CEP44: variants seen among roughly 807,000 people sequenced by gnomAD.
CEP44 encodes centrosomal protein 44.
In CEP44, 45 loss-of-function variants were observed where a neutral mutation model predicts 46.7. The ratio of observed to expected loss-of-function variants is 0.96; its 90% CI spans 0.76 to 1.24. The LOEUF is 1.24. Among genes scored for constraint, CEP44 ranks in the 50% most tolerant of loss-of-function variants. CEP44 has a pLI of 0.00. For missense variants in CEP44, 475 were observed against 459.7 expected (o/e 1.03, Z -0.30); for synonymous variants, 142 against 146.0 (o/e 0.97, Z 0.20).
At position 174,316,258 on chromosome 4, in the gene CEP44, G is replaced by A. The variant is rs751339095; in HGVS notation, c.1054G>A (p.Val352Ile). Residue 352 changes from valine to isoleucine, a missense_variant, in exon 10 of 12, where the codon GTT becomes ATT. By Grantham distance (29) the Val-to-Ile change is conservative (BLOSUM62 3). Coordinates refer to ENST00000503780, the MANE Select transcript of CEP44 (RefSeq NM_001040157.3). ...SSDSTPRAST[V>I]NYCGLNEISE... Reference sequence around the variant, plus strand: ...AGATTCAACTCCCAGAGCCTCTACTGTTAATTACTGTGGTTTGAATGAGAT... The same window carrying A: ...AGATTCAACTCCCAGAGCCTCTACTATTAATTACTGTGGTTTGAATGAGAT... 17 of 1,610,538 alleles carry A rather than the reference G, an allele frequency of 1.1e-5. No homozygotes were observed. The highest frequency in any genetic ancestry group is 8.3e-5 in the Admixed American group (5 of 59,992).
At chr4:174,296,979 T>C (rs1028658870) in intron 1 of CEP44, among the ~76,000 whole-genome samples, 2 of 152,110 alleles carry the variant, frequency 1.3e-5, no homozygotes, top group Non-Finnish European at 1.5e-5. Context: ...TGACCCTATG[T>C]CCCTAATAAC....
downstream of CEP44, among the ~76,000 whole-genome samples, chr4:174,321,652 A>G (rs1297529463): frequency 6.6e-6 from 1 of 152,038 alleles, no homozygotes; most frequent in Non-Finnish European, 1.5e-5. Flanking sequence ...GTTTTTCTCT[A>G]TTATGTCATA....
chr4:174,299,308 G>A lies in CEP44; in HGVS notation c.89+98G>A, dbSNP rs189626839. 458 of 903,418 alleles carry A rather than the reference G, an allele frequency of 5.1e-4. 3 individuals carry two copies. In the East Asian group the frequency reaches 0.01, roughly 20 times the overall value. 56.0% of individuals were successfully genotyped at this position (903,418 alleles called of 1,614,324 possible). ...ACCTGAGAAAAATCAGATTTTACCT[G>A]GTTCCTATTTAAATCTGCCTTGAAA... is the stretch of plus-strand genomic sequence containing the variant. On this transcript the variant is annotated intron_variant, in intron 3 of 11. Transcript: ENST00000503780.
chr4:174,318,554 G>A lies in CEP44; in HGVS notation c.*1171G>A, dbSNP rs1244944827. 7.0e-6 allele frequency: 6 copies of A among 855,710 alleles called. No homozygotes were observed. Among genetic ancestry groups the A allele is most frequent in the Non-Finnish European group, 7.0e-6 (5 of 712,574 alleles). 53.0% of individuals were successfully genotyped at this position (855,710 alleles called of 1,614,324 possible). A position where few individuals can be genotyped will look rare whatever the true frequency, so the allele number is the denominator to read the frequency against. ...TAAACTTGTAGATAAAAGTGTTCCA[G>A]TAATCAGAAAATCCTCAAGAAAATT... On this transcript the variant is annotated 3_prime_UTR_variant, in exon 12 of 12. Coordinates refer to ENST00000503780, the MANE Select transcript of CEP44 (RefSeq NM_001040157.3).
At position 174,288,255 on chromosome 4, in the gene CEP44, C is replaced by G. The variant is rs1298428797; in HGVS notation, c.-148+4312C>G. Among the ~76,000 whole-genome samples, 3 of 152,120 alleles carry G rather than the reference C, an allele frequency of 2.0e-5. No individual in the cohort carries two copies. The highest frequency in any genetic ancestry group is 7.2e-5 in the African/African-American group (3 of 41,422). On this transcript the variant is annotated intron_variant, in intron 1 of 11. Coordinates refer to ENST00000503780, the MANE Select transcript of CEP44 (RefSeq NM_001040157.3). This position sits in a 1 kb window ranked among gnomAD's most constrained non-coding sequence, Gnocchi z 4.6. ...TCAATGCCATCACCTTGAAAAGTTT[C>G]CTTCTACTCATCTTTTTTTCACGTT...
Position 174,331,382 on chromosome 4 carries a change from A to G in CEP44, c.1087-100A>G. On this transcript the variant is annotated intron_variant, in intron 8 of 8. Transcript: ENST00000426172. The surrounding 1 kb of genome is among the most constrained non-coding windows in gnomAD (Gnocchi z 4.5). ...GAGTACCTATTATGGAAGAGGAGGA[A>G]ATATTAATAGCACTCTGACACTGCT... 1.1e-5 allele frequency: 13 copies of G among 1,236,344 alleles called. No individual in the cohort carries two copies. Among genetic ancestry groups the G allele is most frequent in the Non-Finnish European group, 1.4e-5 (13 of 925,458 alleles). 76.6% of individuals were successfully genotyped at this position (1,236,344 alleles called of 1,614,324 possible).
At chr4:174,315,950 A>C (rs969278061) in intron 9 of CEP44, among the ~76,000 whole-genome samples, 2 of 152,110 alleles carry the variant, frequency 1.3e-5, no homozygotes, top group African/African-American at 4.8e-5. Flanking sequence ...TATCATGATA[A>C]TAATACTGCC....
rs200591484 is a variant in CEP44 at position 174,309,851 on chromosome 4, A to T, written c.680A>T (p.Asp227Val). 536 of 1,588,668 alleles carry T rather than the reference A, an allele frequency of 3.4e-4. 1 individual carries two copies. The highest frequency in any genetic ancestry group is 2.0e-3 in the Middle Eastern group (12 of 5,974). The change falls in exon 8 of 12, where the codon GAT (aspartate) becomes GTT (valine). Residue 227 changes from aspartate to valine, a missense_variant and splice_region_variant. By Grantham distance (152) the Asp-to-Val change is radical (BLOSUM62 -3). Transcript: ENST00000503780. The surrounding 1 kb of genome is among the most constrained non-coding windows in gnomAD (Gnocchi z 5.3). ...KVPEIKAEQQ[D>V]VNVNPEITAL... ...TTTTAATCTCTCTAACCTTTTTAGG[A>T]TGTAAATGTTAATCCTGAGATTACT...
rs1742659990 is a variant in CEP44 at position 174,326,238 on chromosome 4, C to CTG, written c.1087-5234_1087-5233dup. On this transcript the variant is annotated intron_variant, in intron 8 of 8. Coordinates refer to the CEP44 transcript ENST00000426172. This position sits in a 1 kb window ranked among gnomAD's most constrained non-coding sequence, Gnocchi z 4.8. ...TGTGTGTGTATGTGTGTGTGTGTGT[C>CTG]TGTGTGTGTGTCTGTGTGTTTGCTC... 6.7e-6 allele frequency among the ~76,000 whole-genome samples: 1 copy of CTG among 148,724 alleles called. No individual in the cohort carries two copies. Among genetic ancestry groups the CTG allele is most frequent in the African/African-American group, 2.5e-5 (1 of 40,498 alleles).
chr4:174,298,276 C>T (rs1001292950), intron 2 of CEP44, among the ~76,000 whole-genome samples: 1 of 146,234 alleles, frequency 6.8e-6, no homozygotes, highest in Non-Finnish European at 1.5e-5. Context: ...CCCGGGTTCA[C>T]GCCATTCTCC....
At chr4:174,330,002 A>G (rs1169772518) in intron 8 of CEP44, among the ~76,000 whole-genome samples, 2 of 152,198 alleles carry the variant, frequency 1.3e-5, no homozygotes, top group East Asian at 3.8e-4. Context: ...TTTTATTCAG[A>G]ATATGTTCTG....
chr4:174,292,018 T>G (rs1738292395), intron 1 of CEP44, among the ~76,000 whole-genome samples: 1 of 152,010 alleles, frequency 6.6e-6, no homozygotes, highest in East Asian at 1.9e-4. Flanking sequence ...CTTGAACTCC[T>G]GAGCTCAAGC....
chr4:174,320,359 A>G, downstream of CEP44: 3 of 956,116 alleles, frequency 3.1e-6, no homozygotes, highest in Non-Finnish European at 3.7e-6. Flanking sequence ...CATTACTCAT[A>G]ACTTTATATA....
intron 6 of CEP44, among the ~76,000 whole-genome samples, chr4:174,305,351 G>A (rs1249228053): frequency 1.3e-5 from 2 of 152,146 alleles, no homozygotes; most frequent in African/African-American, 4.8e-5. Flanking sequence ...CTACTTGAGA[G>A]ACTGAGGCAG....
chr4:174,319,759 TTACACTTACAAAGAGTCTTTATC>T lies in CEP44; in HGVS notation c.*2379_*2401del. On this transcript the variant is annotated 3_prime_UTR_variant, in exon 12 of 12. Coordinates refer to ENST00000503780, the MANE Select transcript of CEP44 (RefSeq NM_001040157.3). ...AAAATCAACTCAATATATCATACAT[TTACACTTACAAAGAGTCTTTATC>T]TAGACAACATAATTTTTGGAAAAAT... 1.1e-6 allele frequency: 1 copy of T among 914,578 alleles called. No individual in the cohort carries two copies. The highest frequency in any genetic ancestry group is 1.3e-6 in the Non-Finnish European group (1 of 766,146). 56.7% of individuals were successfully genotyped at this position (914,578 alleles called of 1,614,324 possible). A position where few individuals can be genotyped will look rare whatever the true frequency, so the allele number is the denominator to read the frequency against.
intron 8 of CEP44, among the ~76,000 whole-genome samples, chr4:174,330,667 C>T (rs951196904): frequency 7.7e-6 from 1 of 130,256 alleles, no homozygotes; most frequent in Non-Finnish European, 1.7e-5. Flanking sequence ...AGGCATAACA[C>T]CATAATCTTT....
At position 174,318,807 on chromosome 4, in the gene CEP44, GT is replaced by G. The variant is rs1199810852; in HGVS notation, c.*1438del. The G allele has an allele frequency of 0.019, 10,895 of 559,520 alleles. 4 individuals carry two copies. The highest frequency in any genetic ancestry group is 0.033 in the Middle Eastern group (36 of 1,106). 34.7% of individuals were successfully genotyped at this position (559,520 alleles called of 1,614,324 possible). On this transcript the variant is annotated 3_prime_UTR_variant, in exon 12 of 12. Transcript: ENST00000503780. ...AAGAAAACATTTTTAGAATTCCTTT[GT>G]TTTTTTTTTTTTTCTTTTTGAAACA...
At position 174,296,017 on chromosome 4, in the gene CEP44, C is replaced by G. The variant is rs58374282; in HGVS notation, c.-147-1949C>G. ...GATTTTTAGAATGTTGTACTAAGCCCCTGCATACCTAGAGTAAATCTGCTG... is the reference window on the plus strand; with the variant it reads ...GATTTTTAGAATGTTGTACTAAGCCGCTGCATACCTAGAGTAAATCTGCTG... On this transcript the variant is annotated intron_variant, in intron 1 of 11. Coordinates refer to ENST00000503780, the MANE Select transcript of CEP44 (RefSeq NM_001040157.3). Among the ~76,000 whole-genome samples the G allele has an allele frequency of 1.5e-3, 228 of 152,244 alleles. 1 individual carries two copies. Among genetic ancestry groups the G allele is most frequent in the African/African-American group, 5.1e-3 (210 of 41,548 alleles).
exon 9 of CEP44, chr4:174,332,862 G>T (rs1178953240): frequency 1.3e-5 from 2 of 152,146 alleles, no homozygotes; most frequent in African/African-American, 4.8e-5. Context: ...TGATGCTTAG[G>T]TTTGAACCTG....
Sources: gnomAD v4.1 joint callset for allele counts (sites outside exome capture counted in the v4.1 genomes callset) on GRCh38, gnomAD v4.1.1 for gene constraint, Gnocchi (gnomAD v3.1) non-coding constraint, MANE v1.5 for transcripts, NCBI Gene and HGNC (gene_info 2026-07-23, HGNC 2026-07-21) for gene names.